CEP83: variants seen among roughly 807,000 people sequenced by gnomAD.
CEP83 encodes the protein centrosomal protein of 83 kDa.
CEP83 carries 70 observed loss-of-function variants against 101.9 expected under a neutral mutation model. That is an observed-to-expected ratio of 0.69 (90% CI 0.57 to 0.84). CEP83 has a LOEUF of 0.84. Ranked by LOEUF, CEP83 falls within the 40% of genes least tolerant of loss-of-function variation. The pLI is 0.00. For synonymous variants in CEP83, 264 were observed against 267.9 expected (o/e 0.99, Z 0.14); for missense variants, 715 against 787.2 (o/e 0.91, Z 1.10).
At chr12:94,273,961 G>T in the CEP83 span, among the ~76,000 whole-genome samples, 10 of 151,848 alleles carry the variant, frequency 6.6e-5, no homozygotes, top group Non-Finnish European at 1.3e-4. Flanking sequence ...AGTACCTCCT[G>T]GCCCTGCCAT....
intron 1 of CEP83, among the ~76,000 whole-genome samples, chr12:94,442,122 G>C (rs1425826498): frequency 6.8e-6 from 1 of 146,132 alleles, no homozygotes; most frequent in Non-Finnish European, 1.5e-5. Flanking sequence ...AAATGTGGTA[G>C]GTATATATAT....
chr12:94,288,646 C>A, the CEP83 span, among the ~76,000 whole-genome samples: 35 of 152,336 alleles, frequency 2.3e-4, no homozygotes, highest in African/African-American at 8.2e-4. Flanking sequence ...CACTGGTGAA[C>A]CCCTGTGCTG....
At chr12:94,352,221 A>C (rs1274271310) in intron 11 of CEP83, among the ~76,000 whole-genome samples, 2 of 151,960 alleles carry the variant, frequency 1.3e-5, no homozygotes, top group African/African-American at 4.8e-5. Context: ...GAGTTTGAGA[A>C]CAGCCTGGCC....
chr12:94,367,500 C>T (rs909147712), intron 11 of CEP83, among the ~76,000 whole-genome samples: 17 of 152,068 alleles, frequency 1.1e-4, no homozygotes, highest in African/African-American at 4.1e-4. Context: ...TTAAAAGTAA[C>T]TAAATGCAAC....
chr12:94,286,616 C>CAAAAAA, the CEP83 span, among the ~76,000 whole-genome samples: 5 of 101,376 alleles, frequency 4.9e-5, no homozygotes, highest in African/African-American at 1.2e-4. Context: ...TGCTTAAAAG[C>CAAAAAA]AAAAAAAAAA....
Position 94,375,909 on chromosome 12 carries a change from C to G in CEP83, c.910G>C (p.Glu304Gln), listed in dbSNP as rs567028082. The change falls in exon 8 of 17, where the codon GAA becomes CAA. Residue 304 changes from glutamate (E) to glutamine (Q), a missense_variant. Transcript: ENST00000397809. The stretch of plus-strand genomic sequence containing the variant: ...ACTTTACTGGACAATGTATTTATTT[C>G]TCGTTCAGCTTTATGCAATTTATTA... ...LINKLHKAER[E>Q]INTLSSKVKE... 1 of 1,499,148 alleles carries G rather than the reference C, an allele frequency of 6.7e-7. No homozygotes were observed. Among genetic ancestry groups the G allele is most frequent in the Admixed American group, 1.9e-5 (1 of 52,562 alleles). The allele number at this position is 1,499,148 out of a possible 1,614,324, so 92.9% of individuals were successfully genotyped here.
chr12:94,428,084 A>T (rs2065344454), intron 2 of CEP83, among the ~76,000 whole-genome samples: 1 of 152,248 alleles, frequency 6.6e-6, no homozygotes, highest in African/African-American at 2.4e-5. Flanking sequence ...ACTCTAAATT[A>T]AAATGTTATT....
the CEP83 span, among the ~76,000 whole-genome samples, chr12:94,270,295 G>A: frequency 1.3e-5 from 2 of 152,310 alleles, no homozygotes; most frequent in African/African-American, 4.8e-5. Context: ...TGGAACACCT[G>A]TTCATTTCCT....
chr12:94,342,952 A>G (rs2059750174), intron 11 of CEP83, among the ~76,000 whole-genome samples: 1 of 152,136 alleles, frequency 6.6e-6, no homozygotes, highest in Non-Finnish European at 1.5e-5. Context: ...CACAGTAATA[A>G]TAGGAGACTT....
the CEP83 span, among the ~76,000 whole-genome samples, chr12:94,274,189 T>A: frequency 2.0e-3 from 216 of 110,190 alleles, 2 homozygotes; most frequent in African/African-American, 8.3e-3. Flanking sequence ...AAAAAAAAAT[T>A]TAGCCAAGCA....
chr12:94,366,538 G>A (rs117714951), intron 11 of CEP83, among the ~76,000 whole-genome samples: 6,910 of 152,218 alleles, frequency 0.045, 214 homozygotes, highest in Non-Finnish European at 0.072. Context: ...AGAATTGCAA[G>A]TATGAAAAGA....
At position 94,411,180 on chromosome 12, in the gene CEP83, C is replaced by T. The variant is rs367643329; in HGVS notation, c.324+517G>A. ...TCCAGACAAATGAAAAAATGAATAG[C>T]GTGAAAATGATCTAAAGAAACTGTA... On this transcript the variant is annotated intron_variant, in intron 4 of 16. Transcript: ENST00000397809. 7.9e-5 allele frequency among the ~76,000 whole-genome samples: 12 copies of T among 152,136 alleles called. No individual in the cohort carries two copies. The South Asian group carries it at 2.3e-3, about 29-fold the overall frequency.
chr12:94,288,383 C>G, the CEP83 span, among the ~76,000 whole-genome samples: 1 of 152,180 alleles, frequency 6.6e-6, no homozygotes, highest in South Asian at 2.1e-4. Context: ...GTGTTCAGGT[C>G]TTCGCAGTTT....
At chr12:94,332,497 CT>C (rs1182707371) in intron 13 of CEP83, among the ~76,000 whole-genome samples, 2 of 152,024 alleles carry the variant, frequency 1.3e-5, no homozygotes, top group Non-Finnish European at 2.9e-5. Context: ...TCCATTGACC[CT>C]TAGTTCAGCT....
intron 14 of CEP83, among the ~76,000 whole-genome samples, chr12:94,322,394 G>A (rs1363773189): frequency 6.6e-6 from 1 of 152,120 alleles, no homozygotes; most frequent in Non-Finnish European, 1.5e-5. Flanking sequence ...GTCCACTGAG[G>A]AGGAATGGGA....
intron 1 of CEP83, among the ~76,000 whole-genome samples, chr12:94,458,755 A>T (rs1372333016): frequency 1.3e-5 from 2 of 152,196 alleles, no homozygotes; most frequent in Non-Finnish European, 2.9e-5. Context: ...TAAATAAAGC[A>T]TTCTAACAAT....
chr12:94,448,472 C>A (rs562526168), intron 1 of CEP83, among the ~76,000 whole-genome samples: 3 of 152,172 alleles, frequency 2.0e-5, no homozygotes, highest in African/African-American at 7.2e-5. Flanking sequence ...CCAATGATTG[C>A]AGAATATACA....
intron 2 of CEP83, chr12:94,424,637 T>C: frequency 6.2e-7 from 1 of 1,613,796 alleles, no homozygotes; most frequent in East Asian, 2.2e-5. Context: ...TACAGCTTTC[T>C]GTGCTGCTGA....
intron 1 of CEP83, among the ~76,000 whole-genome samples, chr12:94,437,053 C>T (rs1160285008): frequency 1.3e-5 from 2 of 151,786 alleles, no homozygotes; most frequent in Non-Finnish European, 2.9e-5. Flanking sequence ...CATCCAAATA[C>T]AAGCAGCTTG....
Sources: gnomAD v4.1 joint callset for allele counts (sites outside exome capture counted in the v4.1 genomes callset) on GRCh38, gnomAD v4.1.1 for gene constraint, MANE v1.5 for transcripts, NCBI Gene and HGNC (gene_info 2026-07-23, HGNC 2026-07-21) for gene names.